The following TTC3 variants were observed in gnomAD, a reference collection of about 807,000 sequenced individuals.
TTC3 encodes E3 ubiquitin-protein ligase TTC3.
TTC3 carries 180 observed loss-of-function variants against 249.6 expected under a neutral mutation model. The ratio of observed to expected loss-of-function variants is 0.72; its 90% confidence interval spans 0.64 to 0.82. The LOEUF (loss-of-function observed/expected upper bound fraction) is 0.82, where lower values mean the gene tolerates loss of function less well. TTC3 is among the 40% of genes least tolerant of loss of function. The pLI, the probability that TTC3 is intolerant of heterozygous loss-of-function variation, is 0.00. For synonymous variants in TTC3, 717 were observed against 805.0 expected, an observed-to-expected ratio of 0.89 and a Z score of 1.85; for missense variants, 2,061 against 2,398.4, an observed-to-expected ratio of 0.86 and a Z score of 2.94.
rs542029077 is a variant in TTC3, at chr21:37,117,576, C to T, written c.901-4241C>T. On this transcript the variant is annotated intron_variant, in intron 11 of 45. Transcript: ENST00000355666. Reference sequence around the variant, plus strand: ...ACTTCCTGCTATTTTAATATATTATCAATTAAGAAAAACAGTTATTAAAAC... The same window carrying T: ...ACTTCCTGCTATTTTAATATATTATTAATTAAGAAAAACAGTTATTAAAAC... 4.7e-3 allele frequency among the ~76,000 whole-genome samples: 722 copies of T among 152,088 alleles called. 9 individuals are homozygous for T. The highest frequency in any genetic ancestry group is 0.017 in the African/African-American group (692 of 41,496).
chr21:37,188,031 G>C (rs1341857998), intron 38 of TTC3: 1 of 152,060 alleles, frequency 6.6e-6, no homozygotes, highest in Admixed American at 6.6e-5. Context: ...ATGGCCAGTT[G>C]GTTTGTGGGG....
chr21:37,107,449 TAAGG>T (rs1349967080), intron 10 of TTC3, among the ~76,000 whole-genome samples: 1 of 152,152 alleles, frequency 6.6e-6, no homozygotes, highest in Non-Finnish European at 1.5e-5. Flanking sequence ...TCATTGAAGA[TAAGG>T]AAGCCAGGAA....
At chr21:37,164,078 A>T (rs776919818) in exon 32 of TTC3, 1 of 1,611,014 alleles carries the variant, frequency 6.2e-7, no homozygotes, top group South Asian at 1.1e-5. Context: ...CTGCAGGCCC[A>T]TTTGCAGTGC....
intron 44 of TTC3, among the ~76,000 whole-genome samples, chr21:37,198,279 C>T (rs370313925): frequency 2.0e-5 from 3 of 152,288 alleles, no homozygotes; most frequent in East Asian, 1.9e-4. Flanking sequence ...CTCTGACCAT[C>T]GTGGGGGATC....
chr21:37,099,317 C>T (rs2074247413), intron 10 of TTC3, among the ~76,000 whole-genome samples: 1 of 152,170 alleles, frequency 6.6e-6, no homozygotes, highest in South Asian at 2.1e-4. Flanking sequence ...GTAAAACCAT[C>T]ACAACTACGT....
intron 27 of TTC3, among the ~76,000 whole-genome samples, chr21:37,154,212 G>A (rs2079769055): frequency 6.6e-6 from 1 of 152,232 alleles, no homozygotes; most frequent in Non-Finnish European, 1.5e-5. Flanking sequence ...GTACGCCACG[G>A]GAAAAAGGCA....
chr21:37,198,927 A>G (rs1016413645), intron 44 of TTC3, among the ~76,000 whole-genome samples: 4 of 152,176 alleles, frequency 2.6e-5, no homozygotes, highest in Admixed American at 2.0e-4. Context: ...AGGAAATAGA[A>G]AACGGTCAAG....
At chr21:37,091,568 A>AT (rs2073272431) in intron 7 of TTC3, 155 bp downstream of exon 7, 3 of 190,860 alleles carry the variant, frequency 1.6e-5, no homozygotes, top group Non-Finnish European at 3.0e-5. Flanking sequence ...TCTTTTTTTT[A>AT]TTATTTATTT....
intron 35 of TTC3, among the ~76,000 whole-genome samples, chr21:37,180,843 T>TA (rs138425939): frequency 0.012 from 1,782 of 143,096 alleles, 36 homozygotes; most frequent in African/African-American, 0.04. Context: ...TTAGAAAATG[T>TA]AAAAAAAAAA....
At position 37,095,338 on chromosome 21, in the gene TTC3, T is replaced by G. The variant is rs760384605; in HGVS notation, c.688-12T>G. ...GGTCATTGATGGGTCTTCTTTCACC[T>G]TGGTTTCTCAGGAAGGAGAACTAAT... On this transcript the variant is annotated splice_polypyrimidine_tract_variant and intron_variant, in intron 8 of 45. Transcript: ENST00000355666. The G allele has an allele frequency of 1.9e-6, 3 of 1,582,946 alleles. No homozygotes were observed. Among genetic ancestry groups the G allele is most frequent in the Non-Finnish European group, 2.6e-6 (3 of 1,163,220 alleles).
intron 38 of TTC3, chr21:37,188,222 G>A (rs2083526114): frequency 1.0e-5 from 3 of 300,038 alleles, no homozygotes; most frequent in African/African-American, 2.1e-5. Flanking sequence ...CTGGCTCTGT[G>A]CTTATATATA....
At chr21:37,120,140 T>C (rs2076467370) in intron 11 of TTC3, among the ~76,000 whole-genome samples, 1 of 152,148 alleles carries the variant, frequency 6.6e-6, no homozygotes, top group Non-Finnish European at 1.5e-5. Flanking sequence ...CTGTGAGAAG[T>C]GGGAACATGG....
At chr21:37,192,385 T>C (rs76032703) in intron 41 of TTC3, among the ~76,000 whole-genome samples, 172 bp downstream of exon 41, 4,221 of 152,284 alleles carry the variant, frequency 0.028, 82 homozygotes, top group Middle Eastern at 0.044. Context: ...AACATTCTTA[T>C]ATAAAATAGA....
intron 35 of TTC3, among the ~76,000 whole-genome samples, chr21:37,181,012 A>G (rs1428160436): frequency 6.6e-6 from 1 of 152,212 alleles, no homozygotes; most frequent in Non-Finnish European, 1.5e-5. Flanking sequence ...ACAGTTGTGT[A>G]TAGCCTATTT....
At chr21:37,108,552 T>C in intron 11 of TTC3, 106 bp downstream of exon 11, 1 of 1,090,040 alleles carries the variant, frequency 9.2e-7, no homozygotes. Context: ...TGAAATTACG[T>C]AGAGCTCCAG....
At chr21:37,149,997 T>C (rs2079308271) in intron 23 of TTC3, 81 bp from the exon 24 acceptor site, 1 of 994,392 alleles carries the variant, frequency 1.0e-6, no homozygotes, top group Non-Finnish European at 1.5e-6. Context: ...CTGTTCCTAG[T>C]GGTAAAAATA....
At chr21:37,108,109 A>T (rs1014259351) in intron 10 of TTC3, 1 of 256,434 alleles carries the variant, frequency 3.9e-6, no homozygotes, top group Non-Finnish European at 7.5e-6. Context: ...AATGCTATGC[A>T]TAGGTACAAT....
chr21:37,191,235 T>C (rs926677989), intron 39 of TTC3, 99 bp from the exon 40 acceptor site: 14 of 795,350 alleles, frequency 1.8e-5, no homozygotes, highest in African/African-American at 3.7e-5. Context: ...TATGTGATTA[T>C]GTTAAATGTC....
At chr21:37,084,757 G>T (rs1388152176) in intron 1 of TTC3, among the ~76,000 whole-genome samples, 1 of 152,226 alleles carries the variant, frequency 6.6e-6, no homozygotes, top group Non-Finnish European at 1.5e-5. Context: ...CACTTTGGGA[G>T]GCCGAGGCGG....
Sources: gnomAD v4.1 joint callset for allele counts (sites outside exome capture counted in the v4.1 genomes callset) on GRCh38, gnomAD v4.1.1 for gene constraint, MANE v1.5 for transcripts, NCBI Gene and HGNC (gene_info 2026-07-23, HGNC 2026-07-21) for gene names.